The following NREP variants were observed in gnomAD, a reference collection of about 807,000 sequenced individuals.
NREP encodes neuronal regeneration related protein.
NREP carries 5 observed loss-of-function variants against 8.6 expected under a neutral mutation model. The ratio of observed to expected loss-of-function variants is 0.58; its 90% CI spans 0.30 to 1.22. The LOEUF is 1.22. Ranked by LOEUF, NREP falls within the 50% of genes most tolerant of loss-of-function variation. NREP has a pLI of 0.07. For missense variants in NREP, 86 were observed against 82.5 expected, an observed-to-expected ratio of 1.04 and a Z score of -0.17; for synonymous variants, 27 against 28.0, an observed-to-expected ratio of 0.96 and a Z score of 0.11.
At chr5:111,976,801 C>G in exon 1 of NREP, 1 of 1,450,950 alleles carries the variant, frequency 6.9e-7, no homozygotes, top group East Asian at 2.5e-5. Context: ...AGCTTCTTGC[C>G]GGGAGTTGGC....
Position 111,731,026 on chromosome 5 carries a change from CT to C in NREP, c.101del (p.Lys34ArgfsTer3). On this transcript the variant is annotated frameshift_variant, in exon 4 of 4. Coordinates refer to ENST00000257435, the MANE Select transcript of NREP (RefSeq NM_004772.4). LOFTEE classifies it high-confidence loss of function. Reference protein sequence around the residue: ...RLPKGRLPVPKEVNRKKNDET... With the variant: ...RLPKGRLPVPXEVNRKKNDET... ...CATCGTTCTTCTTGCGGTTCACTTCCTTTGGGACAGGAAGTCTTCCCTGCAA... is the reference window on the plus strand; with the variant it reads ...CATCGTTCTTCTTGCGGTTCACTTCCTTGGGACAGGAAGTCTTCCCTGCAA... 1.9e-6 allele frequency: 3 copies of C among 1,613,906 alleles called. No individual in the cohort carries two copies. Among genetic ancestry groups the C allele is most frequent in the Non-Finnish European group, 2.5e-6 (3 of 1,179,834 alleles).
At chr5:111,945,870 GCAAGTTTCTTACATTTA>G (rs1298646973) in intron 2 of NREP, among the ~76,000 whole-genome samples, 2 of 151,996 alleles carry the variant, frequency 1.3e-5, no homozygotes, top group African/African-American at 2.4e-5. Context: ...GACAGCATCA[GCAAGTTTCTTACATTTA>G]CTGTAGATTG....
chr5:111,886,699 A>C (rs1334044989), intron 2 of NREP, among the ~76,000 whole-genome samples: 1 of 151,338 alleles, frequency 6.6e-6, no homozygotes, highest in South Asian at 2.1e-4. Flanking sequence ...GGAAATCATC[A>C]TTCTCAGTAA....
intron 2 of NREP, among the ~76,000 whole-genome samples, chr5:111,853,390 C>T (rs965713827): frequency 1.4e-5 from 2 of 138,506 alleles, no homozygotes; most frequent in East Asian, 4.4e-4. Context: ...AAACTATAAT[C>T]GTTAATAATA....
chr5:111,788,774 T>G (rs1254397603), intron 2 of NREP, among the ~76,000 whole-genome samples: 2 of 152,230 alleles, frequency 1.3e-5, no homozygotes, highest in East Asian at 1.9e-4. Context: ...TCAAACATTT[T>G]GAGTGGTTTC....
chr5:111,756,440 A>C (rs1228847747), intron 1 of NREP, among the ~76,000 whole-genome samples: 1 of 152,082 alleles, frequency 6.6e-6, no homozygotes, highest in African/African-American at 2.4e-5. Context: ...TTATCAGAAG[A>C]CCGCTCTTTT....
intron 2 of NREP, among the ~76,000 whole-genome samples, chr5:111,795,018 A>C (rs570214139): frequency 2.6e-5 from 4 of 152,074 alleles, no homozygotes; most frequent in Middle Eastern, 3.4e-3. Flanking sequence ...AAAAGAAAAA[A>C]AGCCGGAAAA....
At chr5:111,851,890 T>C (rs368695644) in intron 2 of NREP, among the ~76,000 whole-genome samples, 23 of 152,292 alleles carry the variant, frequency 1.5e-4, no homozygotes, top group African/African-American at 5.3e-4. Flanking sequence ...GTATAAACAC[T>C]TTTGTCAACT....
intron 2 of NREP, among the ~76,000 whole-genome samples, chr5:111,841,644 G>A (rs1444071817): frequency 6.6e-6 from 1 of 151,918 alleles, no homozygotes; most frequent in African/African-American, 2.4e-5. Context: ...GTAAACCTGG[G>A]GTTCCCTCCT....
intron 2 of NREP, among the ~76,000 whole-genome samples, chr5:111,834,604 T>C (rs145762707): frequency 6.6e-5 from 10 of 152,196 alleles, no homozygotes; most frequent in Non-Finnish European, 1.5e-4. Flanking sequence ...TTAAAACTTA[T>C]GCAGATAATT....
In NREP at chr5:111,875,918, C is replaced by T. The variant is rs545163790; in HGVS notation, c.135+99356G>A. ...AGAGGGGTCCTGGAAAAATGGATGGCCGATCTGCCGTGAAATGTAAGGGGT... is the reference window on the plus strand; with the variant it reads ...AGAGGGGTCCTGGAAAAATGGATGGTCGATCTGCCGTGAAATGTAAGGGGT... On this transcript the variant is annotated intron_variant, in intron 2 of 3. Transcript: ENST00000395634. Among the ~76,000 whole-genome samples the T allele has an allele frequency of 4.2e-4, 64 of 152,200 alleles. 1 individual carries two copies. Among genetic ancestry groups the T allele is most frequent in the African/African-American group, 1.5e-3 (61 of 41,538 alleles).
chr5:111,970,825 C>CAAAAAAAAAAAAAA (rs33962098), intron 2 of NREP, among the ~76,000 whole-genome samples: 56 of 53,512 alleles, frequency 1.0e-3, no homozygotes, highest in Non-Finnish European at 1.1e-3. Context: ...GACTCCATCT[C>CAAAAAAAAAAAAAA]AAAAAAAAAA....
At chr5:111,729,172 T>C (rs1748338017), downstream of NREP, 1 of 152,210 alleles carries the variant, frequency 6.6e-6, no homozygotes, top group Non-Finnish European at 1.5e-5. Context: ...GCAGAGCTGA[T>C]TCTCTCTCTT....
chr5:111,769,121 T>C (rs1162994925), intron 2 of NREP, among the ~76,000 whole-genome samples: 1 of 152,218 alleles, frequency 6.6e-6, no homozygotes, highest in Admixed American at 6.5e-5. Context: ...TAATCCTATA[T>C]CTTAAATGGG....
intron 2 of NREP, among the ~76,000 whole-genome samples, chr5:111,906,754 C>G (rs767223542): frequency 6.6e-6 from 1 of 151,964 alleles, no homozygotes; most frequent in Admixed American, 6.6e-5. Context: ...ATTTGCATTT[C>G]TCTAAGGATA....
At chr5:111,894,278 C>G (rs566846524) in intron 2 of NREP, among the ~76,000 whole-genome samples, 1 of 151,874 alleles carries the variant, frequency 6.6e-6, no homozygotes, top group Non-Finnish European at 1.5e-5. Context: ...TTTGATTTAT[C>G]TTAGTTCAAG....
intron 2 of NREP, among the ~76,000 whole-genome samples, chr5:111,802,937 A>C (rs1752047733): frequency 6.6e-6 from 1 of 152,254 alleles, no homozygotes; most frequent in Non-Finnish European, 1.5e-5. Flanking sequence ...GCAAGAAAGG[A>C]TATGAAAAGA....
At chr5:111,827,303 T>G (rs1010008049) in intron 2 of NREP, among the ~76,000 whole-genome samples, 1 of 152,204 alleles carries the variant, frequency 6.6e-6, no homozygotes, top group South Asian at 2.1e-4. Context: ...CCTATACTTG[T>G]AGTTTAATGT....
At chr5:111,965,457 T>A (rs377052512) in intron 2 of NREP, among the ~76,000 whole-genome samples, 1 of 152,174 alleles carries the variant, frequency 6.6e-6, no homozygotes, top group Non-Finnish European at 1.5e-5. Flanking sequence ...ATTTTTATTA[T>A]GAAAAATGAA....
Sources: gnomAD v4.1 joint callset for allele counts (sites outside exome capture counted in the v4.1 genomes callset) on GRCh38, gnomAD v4.1.1 for gene constraint, MANE v1.5 for transcripts, NCBI Gene and HGNC (gene_info 2026-07-23, HGNC 2026-07-21) for gene names.